The following EGFLAM variants were observed in gnomAD, a reference collection of about 807,000 sequenced individuals.
EGFLAM encodes pikachurin.
Under a neutral mutation model 113.1 loss-of-function variants are expected in EGFLAM, and 79 were observed. The ratio of observed to expected loss-of-function variants is 0.70; its 90% CI spans 0.58 to 0.84. The LOEUF is 0.84. Ranked by LOEUF, EGFLAM falls within the 40% of genes least tolerant of loss-of-function variation. The probability of loss-of-function intolerance (pLI) is 0.00; values close to 1 mark genes in which losing one functional copy is unlikely to be tolerated. For missense variants in EGFLAM, 1,265 were observed against 1,291.6 expected (o/e 0.98, Z 0.32); for synonymous variants, 504 against 487.6 (o/e 1.03, Z -0.44).
intron 10 of EGFLAM, among the ~76,000 whole-genome samples, chr5:38,411,437 G>GAAAAGA (rs1741473849): frequency 6.8e-6 from 1 of 146,970 alleles, no homozygotes; most frequent in Non-Finnish European, 1.5e-5. Context: ...CAAAAGAAAA[G>GAAAAGA]AAAAGAAAAC....
intron 6 of EGFLAM, among the ~76,000 whole-genome samples, chr5:38,388,448 TGTCTGTCTCTACAAA>T (rs1740720730): frequency 1.3e-5 from 2 of 152,204 alleles, no homozygotes; most frequent in East Asian, 3.9e-4. Flanking sequence ...GGTGAAACCC[TGTCTGTCTCTACAAA>T]AAACAAAAAG....
intron 15 of EGFLAM, 91 bp downstream of exon 15, chr5:38,431,379 G>C: frequency 1.5e-6 from 2 of 1,300,602 alleles, no homozygotes; most frequent in Non-Finnish European, 2.1e-6. Context: ...AGAGTGTTCT[G>C]GTTAACTACA....
intron 21 of EGFLAM, among the ~76,000 whole-genome samples, 170 bp from the exon 22 acceptor site, chr5:38,463,662 G>T (rs1743363351): frequency 6.6e-6 from 1 of 150,798 alleles, no homozygotes; most frequent in African/African-American, 2.5e-5. Flanking sequence ...TTATAAAATT[G>T]AGAGAGGTGA....
intron 1 of EGFLAM, among the ~76,000 whole-genome samples, chr5:38,319,056 T>TTATA (rs1289952022): frequency 1.3e-5 from 2 of 152,138 alleles, no homozygotes; most frequent in Admixed American, 6.5e-5. Flanking sequence ...TGGTGAGAAT[T>TTATA]CATATTAGGG....
chr5:38,440,605 G>T (rs952208793), intron 17 of EGFLAM, among the ~76,000 whole-genome samples: 1 of 152,192 alleles, frequency 6.6e-6, no homozygotes, highest in African/African-American at 2.4e-5. Context: ...GACCAAGAAT[G>T]GTGAGAAGCC....
intron 14 of EGFLAM, among the ~76,000 whole-genome samples, chr5:38,428,474 G>T (rs1476718137): frequency 6.6e-6 from 1 of 152,210 alleles, no homozygotes; most frequent in Non-Finnish European, 1.5e-5. Flanking sequence ...AGACAACTTT[G>T]GTGGGGATTT....
chr5:38,370,505 T>G (rs371782243), intron 6 of EGFLAM, 43 bp downstream of exon 6: 1 of 1,591,678 alleles, frequency 6.3e-7, no homozygotes, highest in Non-Finnish European at 8.6e-7. Flanking sequence ...GAGCTGCATA[T>G]CTGGGCTTGC....
intron 19 of EGFLAM, among the ~76,000 whole-genome samples, chr5:38,454,980 T>C (rs1031152871): frequency 4.6e-5 from 7 of 152,202 alleles, no homozygotes; most frequent in Non-Finnish European, 1.0e-4. Context: ...GTTTTCTGTT[T>C]TGTTTTTGTT....
intron 1 of EGFLAM, among the ~76,000 whole-genome samples, chr5:38,286,827 G>A (rs539126247): frequency 9.8e-5 from 15 of 152,292 alleles, no homozygotes; most frequent in Admixed American, 3.3e-4. Flanking sequence ...GCGACTTTGC[G>A]TCTATGAGAT....
intron 1 of EGFLAM, among the ~76,000 whole-genome samples, chr5:38,283,475 T>C (rs954142921): frequency 3.9e-5 from 6 of 152,216 alleles, no homozygotes; most frequent in Non-Finnish European, 8.8e-5. Flanking sequence ...TTAACATTTA[T>C]ATAGTGCCTG....
chr5:38,404,029 C>T, intron 6 of EGFLAM: 2 of 1,538,910 alleles, frequency 1.3e-6, no homozygotes, highest in Non-Finnish European at 1.8e-6. Context: ...GTGCCCGAAC[C>T]CCTGAGAACA....
chr5:38,370,263 C>T (rs781488180), intron 5 of EGFLAM, 33 bp from the exon 6 acceptor site: 14 of 1,601,228 alleles, frequency 8.7e-6, no homozygotes, highest in Non-Finnish European at 1.0e-5. Context: ...TATTTCTGAA[C>T]TACTGCTTCT....
rs888320752 is a variant in EGFLAM, at chr5:38,272,227, A to G, written c.97+13376A>G. Among the ~76,000 whole-genome samples, 7 of 152,348 alleles carry G rather than the reference A, an allele frequency of 4.6e-5. No homozygotes were observed. The South Asian group carries it at 1.0e-3, about 23-fold the overall frequency. On this transcript the variant is annotated intron_variant, in intron 1 of 21. Coordinates refer to ENST00000322350, the MANE Select transcript of EGFLAM (RefSeq NM_152403.4). ...TACCTAGAGAACAGGTAGAGCTTGA[A>G]GTAATGCATGGGGCTGCCTCAGACT...
intron 1 of EGFLAM, among the ~76,000 whole-genome samples, chr5:38,281,119 A>C (rs969510965): frequency 1.3e-5 from 2 of 152,180 alleles, no homozygotes; most frequent in African/African-American, 4.8e-5. Flanking sequence ...AGTTCTAGAG[A>C]TCCCTTATAC....
chr5:38,303,734 C>T (rs1296921052), intron 1 of EGFLAM, among the ~76,000 whole-genome samples: 2 of 152,124 alleles, frequency 1.3e-5, no homozygotes, highest in Non-Finnish European at 2.9e-5. Context: ...ACTCAAAGCT[C>T]CACTAAAATT....
Position 38,258,812 on chromosome 5 carries a change from C to G in EGFLAM, c.58C>G (p.Pro20Ala), listed in dbSNP as rs1355520183. The change falls in exon 1 of 22, where the codon CCC (proline) becomes GCC (alanine). Residue 20 changes from proline to alanine, a missense_variant. Pro to Ala is a conservative substitution (Grantham distance 27). Coordinates refer to ENST00000322350, the MANE Select transcript of EGFLAM (RefSeq NM_152403.4). ...CCTGCTCCTGGCTTCCAGCCTCGGA[C>G]CCGGCGCGGTGTCGCTCCGAGCGGC... is the stretch of plus-strand genomic sequence containing the variant. ...RLLLLASSLGPGAVSLRAAIR... is the reference protein window; with the variant it reads ...RLLLLASSLGAGAVSLRAAIR... 1 of 1,612,382 alleles carries G rather than the reference C, an allele frequency of 6.2e-7. No individual in the cohort carries two copies. The highest frequency in any genetic ancestry group is 2.2e-5 in the East Asian group (1 of 44,840).
intron 16 of EGFLAM, 138 bp from the exon 17 acceptor site, chr5:38,438,137 A>AAAT: frequency 1.3e-6 from 1 of 783,876 alleles, no homozygotes; most frequent in Non-Finnish European, 1.8e-6. Flanking sequence ...AAAAAAAAAA[A>AAAT]AAAGTGGAAA....
rs537250028 is a variant in EGFLAM at position 38,425,303 on chromosome 5, C to T, written c.1810+211C>T. ...AGTGATTCTCTTCTGCCTCAGCTCC[C>T]GAGTAGCTGGAACTACAGGCGCCCA... On this transcript the variant is annotated intron_variant, in intron 13 of 21. Transcript: ENST00000322350. Among the ~76,000 whole-genome samples, 39 of 152,202 alleles carry T rather than the reference C, an allele frequency of 2.6e-4. No individual in the cohort carries two copies. The South Asian group carries it at 7.7e-3, about 30-fold the overall frequency.
chr5:38,446,564 G>A (rs1742720201), intron 17 of EGFLAM, among the ~76,000 whole-genome samples: 2 of 152,164 alleles, frequency 1.3e-5, no homozygotes, highest in South Asian at 2.1e-4. Flanking sequence ...AGTGGCTGGG[G>A]GTGCAGCCCC....
Sources: gnomAD v4.1 joint callset for allele counts (sites outside exome capture counted in the v4.1 genomes callset) on GRCh38, gnomAD v4.1.1 for gene constraint, MANE v1.5 for transcripts, NCBI Gene and HGNC (gene_info 2026-07-23, HGNC 2026-07-21) for gene names.